The following ATP6V1H variants were observed in gnomAD, a reference collection of about 807,000 sequenced individuals.
ATP6V1H encodes V-type proton ATPase subunit H.
Under a neutral mutation model 71.7 loss-of-function variants are expected in ATP6V1H, and 39 were observed. The observed-to-expected ratio is 0.54, with a 90% CI of 0.42 to 0.71. The LOEUF (loss-of-function observed/expected upper bound fraction) is 0.71, where lower values mean the gene tolerates loss of function less well. Among genes scored for constraint, ATP6V1H ranks in the 30% least tolerant of loss-of-function variants. The probability of loss-of-function intolerance (pLI) is 0.00; values close to 1 mark genes in which losing one functional copy is unlikely to be tolerated. For missense variants in ATP6V1H, 509 were observed against 594.9 expected, an observed-to-expected ratio of 0.86 and a Z score of 1.50; for synonymous variants, 192 against 199.3, an observed-to-expected ratio of 0.96 and a Z score of 0.31.
chr8:53,766,151 G>A (rs1172276116), intron 11 of ATP6V1H, among the ~76,000 whole-genome samples: 4 of 152,240 alleles, frequency 2.6e-5, no homozygotes, highest in Non-Finnish European at 4.4e-5. Flanking sequence ...GACCCCAAAC[G>A]GAGGGACCGG....
intron 12 of ATP6V1H, among the ~76,000 whole-genome samples, chr8:53,747,284 C>T (rs1176954705): frequency 6.6e-6 from 1 of 152,092 alleles, no homozygotes; most frequent in Non-Finnish European, 1.5e-5. Context: ...CACAATGCTA[C>T]TTATATGAAA....
chr8:53,800,326 T>A (rs78103369), intron 8 of ATP6V1H, among the ~76,000 whole-genome samples: 1,824 of 152,352 alleles, frequency 0.012, 27 homozygotes, highest in African/African-American at 0.041. Context: ...GTCTTTCTAA[T>A]GAATCTCCTG....
chr8:53,743,018 A>G (rs2130183815), intron 13 of ATP6V1H, among the ~76,000 whole-genome samples: 1 of 152,262 alleles, frequency 6.6e-6, no homozygotes, highest in South Asian at 2.1e-4. Flanking sequence ...CTAAGTAGTT[A>G]CTCTTTAATT....
At chr8:53,788,834 T>C (rs1473069389) in intron 9 of ATP6V1H, among the ~76,000 whole-genome samples, 1 of 152,150 alleles carries the variant, frequency 6.6e-6, no homozygotes, top group Non-Finnish European at 1.5e-5. Context: ...CATAATTAAT[T>C]CAGAAAGCTC....
At chr8:53,831,745 C>G (rs982158140) in intron 3 of ATP6V1H, 2 of 142,784 alleles carry the variant, frequency 1.4e-5, no homozygotes, top group Non-Finnish European at 3.0e-5. Flanking sequence ...AATAATTACA[C>G]TCTTTTTTTT....
chr8:53,726,494 A>G (rs1200443034), intron 13 of ATP6V1H, among the ~76,000 whole-genome samples: 2 of 152,356 alleles, frequency 1.3e-5, no homozygotes, highest in Non-Finnish European at 2.9e-5. Context: ...AGATTAAAGT[A>G]AATCATGACT....
chr8:53,777,833 G>A (rs1299641651), intron 9 of ATP6V1H, among the ~76,000 whole-genome samples: 1 of 152,188 alleles, frequency 6.6e-6, no homozygotes, highest in African/African-American at 2.4e-5. Flanking sequence ...CTGGGCTAAA[G>A]AAAATTCTGC....
chr8:53,722,409 C>T (rs947029971), intron 13 of ATP6V1H, among the ~76,000 whole-genome samples: 2 of 152,230 alleles, frequency 1.3e-5, no homozygotes, highest in Non-Finnish European at 2.9e-5. Context: ...AACTGCACTA[C>T]ATACAGATCC....
intron 4 of ATP6V1H, among the ~76,000 whole-genome samples, chr8:53,824,394 C>G (rs1810762433): frequency 6.6e-6 from 1 of 151,998 alleles, no homozygotes; most frequent in Non-Finnish European, 1.5e-5. Context: ...AATGCTGATA[C>G]CTAAACCAAA....
intron 11 of ATP6V1H, among the ~76,000 whole-genome samples, chr8:53,762,016 G>A (rs747338174): frequency 6.6e-6 from 1 of 152,068 alleles, no homozygotes; most frequent in African/African-American, 2.4e-5. Flanking sequence ...TATTTATACC[G>A]GTATTTTTAG....
intron 9 of ATP6V1H, among the ~76,000 whole-genome samples, chr8:53,772,921 A>C (rs1156231491): frequency 6.8e-6 from 1 of 146,798 alleles, no homozygotes; most frequent in Non-Finnish European, 1.5e-5. Flanking sequence ...AAAAAAAAAA[A>C]ACAAAACAGT....
intron 7 of ATP6V1H, among the ~76,000 whole-genome samples, chr8:53,807,811 AT>A (rs999216889): frequency 6.6e-6 from 1 of 152,220 alleles, no homozygotes; most frequent in African/African-American, 2.4e-5. Context: ...TGTGAAATAT[AT>A]TTCAATAAGG....
At chr8:53,758,228 CTTTG>C (rs1455875813) in intron 11 of ATP6V1H, among the ~76,000 whole-genome samples, 1 of 151,334 alleles carries the variant, frequency 6.6e-6, no homozygotes, top group Non-Finnish European at 1.5e-5. Context: ...AAAATTACTT[CTTTG>C]TTTTTATTTC....
In ATP6V1H at chr8:53,769,039, A is replaced by G. The variant is rs528713728; in HGVS notation, c.1175+579T>C. Among the ~76,000 whole-genome samples, 171 of 152,304 alleles carry G rather than the reference A, an allele frequency of 1.1e-3. 1 individual carries two copies. Among genetic ancestry groups the G allele is most frequent in the Non-Finnish European group, 2.0e-3 (137 of 67,992 alleles). On this transcript the variant is annotated intron_variant, in intron 11 of 13. Transcript: ENST00000359530. ...TGTTTTCAATAAATGGGGCTGGTTC[A>G]ATTAGATATCTATGGAAAGAAAAAA... is the stretch of plus-strand genomic sequence containing the variant.
At chr8:53,786,108 T>C in intron 9 of ATP6V1H, among the ~76,000 whole-genome samples, 1 of 152,162 alleles carries the variant, frequency 6.6e-6, no homozygotes, top group Non-Finnish European at 1.5e-5. Context: ...ACTGCTGCCT[T>C]TTGTTTGTCT....
chr8:53,841,797 T>G (rs780118618), intron 1 of ATP6V1H, 72 bp from the exon 2 acceptor site: 20 of 1,365,690 alleles, frequency 1.5e-5, no homozygotes, highest in Non-Finnish European at 2.0e-5. Flanking sequence ...ATATTATGAT[T>G]ATGAATATCG....
intron 6 of ATP6V1H, among the ~76,000 whole-genome samples, chr8:53,812,875 C>T (rs1193948841): frequency 6.6e-6 from 1 of 151,962 alleles, no homozygotes; most frequent in Non-Finnish European, 1.5e-5. Flanking sequence ...TTCTATTTTT[C>T]GTAAAGACGG....
intron 5 of ATP6V1H, among the ~76,000 whole-genome samples, chr8:53,816,638 A>T (rs1810460439): frequency 6.6e-6 from 1 of 152,184 alleles, no homozygotes; most frequent in Non-Finnish European, 1.5e-5. Context: ...TTTACTAAAA[A>T]TACAAAAATT....
chr8:53,726,145 A>T (rs1019130817), intron 13 of ATP6V1H, among the ~76,000 whole-genome samples: 6 of 152,236 alleles, frequency 3.9e-5, no homozygotes, highest in Middle Eastern at 3.2e-3. Flanking sequence ...GCCACAAATA[A>T]GAACACTTTC....
Sources: gnomAD v4.1 joint callset for allele counts (sites outside exome capture counted in the v4.1 genomes callset) on GRCh38, gnomAD v4.1.1 for gene constraint, MANE v1.5 for transcripts, NCBI Gene and HGNC (gene_info 2026-07-23, HGNC 2026-07-21) for gene names.